Variants in ZFHX4 observed in about 807,000 individuals in gnomAD.
The protein encoded by ZFHX4 is zinc finger homeobox protein 4.
ZFHX4 carries 56 observed loss-of-function variants against 267.6 expected under a neutral mutation model. That is an observed-to-expected ratio of 0.21 (90% CI 0.17 to 0.26). The LOEUF (loss-of-function observed/expected upper bound fraction) is 0.26, where lower values mean the gene tolerates loss of function less well. Among genes scored for constraint, ZFHX4 ranks in the 10% least tolerant of loss-of-function variants. ZFHX4 has a pLI of 1.00. For missense variants in ZFHX4, 4,332 were observed against 4,420.0 expected (o/e 0.98, Z 0.56); for synonymous variants, 1,778 against 1,665.6 (o/e 1.07, Z -1.64).
intron 3 of ZFHX4, among the ~76,000 whole-genome samples, chr8:76,732,904 C>A (rs1809059569): frequency 6.6e-6 from 1 of 151,990 alleles, no homozygotes; most frequent in Admixed American, 6.6e-5. Flanking sequence ...CTGAGTGGAC[C>A]CTGGCATGCA....
chr8:76,817,577 G>T lies in ZFHX4; in HGVS notation c.3326-15761G>T, dbSNP rs1337543680. Among the ~76,000 whole-genome samples the T allele has an allele frequency of 4.6e-5, 7 of 152,158 alleles. No individual in the cohort carries two copies. In the East Asian group the frequency reaches 7.7e-4, roughly 17 times the overall value. ...AGCAAGAATGTGTTTGGACTTCAAA[G>T]AATTAAATGCATACAACTTGCACAT... On this transcript the variant is annotated intron_variant, in intron 4 of 10. Coordinates refer to ENST00000651372, the MANE Select transcript of ZFHX4 (RefSeq NM_024721.5).
chr8:76,835,685 AC>A (rs1204211051), intron 5 of ZFHX4, among the ~76,000 whole-genome samples: 1 of 151,688 alleles, frequency 6.6e-6, no homozygotes, highest in Non-Finnish European at 1.5e-5. Context: ...GAATAAACCT[AC>A]TCTCCCTCCC....
chr8:76,771,824 G>A (rs1292007454), intron 3 of ZFHX4, among the ~76,000 whole-genome samples: 1 of 152,118 alleles, frequency 6.6e-6, no homozygotes, highest in Non-Finnish European at 1.5e-5. Flanking sequence ...GATAGATTGG[G>A]AAATAATCAG....
At chr8:76,747,957 CAA>C (rs1809506994) in intron 3 of ZFHX4, among the ~76,000 whole-genome samples, 1 of 151,948 alleles carries the variant, frequency 6.6e-6, no homozygotes, top group African/African-American at 2.4e-5. Context: ...AACAAACAAA[CAA>C]ACAAACAAAA....
At chr8:76,849,480 A>G (rs752106371) in intron 7 of ZFHX4, 32 bp from the exon 8 acceptor site, 1 of 1,563,758 alleles carries the variant, frequency 6.4e-7, no homozygotes, top group Non-Finnish European at 8.8e-7. Context: ...TGCATTAACT[A>G]ATAGTGGCCA....
chr8:76,769,966 A>G (rs1244904903), intron 3 of ZFHX4, among the ~76,000 whole-genome samples: 1 of 152,108 alleles, frequency 6.6e-6, no homozygotes, highest in Non-Finnish European at 1.5e-5. Flanking sequence ...GCCTCCTGCT[A>G]CTGTCTCCTG....
Position 76,854,527 on chromosome 8 carries a change from C to T in ZFHX4, c.7606C>T (p.Pro2536Ser). The change falls in exon 10 of 11, where the codon CCC (proline) becomes TCC (serine). Residue 2536 changes from proline to serine, a missense_variant. Physicochemically the swap from Pro to Ser is moderately conservative, Grantham distance 74. This residue lies in a region of ZFHX4 where 1,648 missense variants were observed against 1,625.0 expected (regional missense o/e 1.01). Coordinates refer to ENST00000651372, the MANE Select transcript of ZFHX4 (RefSeq NM_024721.5). The stretch of plus-strand genomic sequence containing the variant: ...GTTCTTGGAAAGGCCCATGGACATG[C>T]CCTACATGATATTTGACCCCAACAA... The part of the protein sequence containing the change: ...SPFLERPMDM[P>S]YMIFDPNNPL... 6.2e-7 allele frequency: 1 copy of T among 1,613,838 alleles called. No individual in the cohort carries two copies. The highest frequency in any genetic ancestry group is 8.5e-7 in the Non-Finnish European group (1 of 1,179,878).
At chr8:76,862,399 G>A (rs1480564197) in intron 10 of ZFHX4, among the ~76,000 whole-genome samples, 4 of 152,124 alleles carry the variant, frequency 2.6e-5, no homozygotes, top group African/African-American at 7.2e-5. Context: ...ACCCTGTTAG[G>A]CAAGTTGTCA....
Position 76,851,205 on chromosome 8 carries a change from C to T in ZFHX4, c.4284C>T (p.Asn1428=), listed in dbSNP as rs762959024. Residue 1428 remains asparagine (N), a synonymous_variant, in exon 10 of 11, where the codon AAC becomes AAT. Transcript: ENST00000651372. Reference sequence around the variant, plus strand: ...CAATTCGGGCTGCGACAATGTGTAACCTCTGCCAGCGCAGTTTCCGTACAT... The same window carrying T: ...CAATTCGGGCTGCGACAATGTGTAATCTCTGCCAGCGCAGTTTCCGTACAT... ...YHAIRAATMC[N]LCQRSFRTFQ... is the part of the protein sequence containing the mutation. 5.6e-6 allele frequency: 9 copies of T among 1,613,860 alleles called. No homozygotes were observed. Among genetic ancestry groups the T allele is most frequent in the Non-Finnish European group, 7.6e-6 (9 of 1,179,840 alleles).
In ZFHX4 at chr8:76,853,513, C is replaced by A. The variant is rs1812607251; in HGVS notation, c.6592C>A (p.Pro2198Thr). 1 of 1,613,872 alleles carries A rather than the reference C, an allele frequency of 6.2e-7. No individual in the cohort carries two copies. The highest frequency in any genetic ancestry group is 8.5e-7 in the Non-Finnish European group (1 of 1,179,858). Residue 2198 changes from proline to threonine, a missense_variant, in exon 10 of 11, where the codon CCT becomes ACT. Coordinates refer to ENST00000651372, the MANE Select transcript of ZFHX4 (RefSeq NM_024721.5). The part of the protein sequence containing the change: ...NKDSPYNFSN[P>T]PITVLEDIRI... ...AGATTCACCATACAACTTCAGTAACCCTCCTATAACGGTTTTAGAAGATAT... is the reference window on the plus strand; with the variant it reads ...AGATTCACCATACAACTTCAGTAACACTCCTATAACGGTTTTAGAAGATAT...
At position 76,863,361 on chromosome 8, in the gene ZFHX4, C is replaced by A. The variant is rs752502791; in HGVS notation, c.9647C>A (p.Pro3216His). 16 of 1,613,756 alleles carry A rather than the reference C, an allele frequency of 9.9e-6. No homozygotes were observed. Among genetic ancestry groups the A allele is most frequent in the East Asian group, 4.5e-5 (2 of 44,846 alleles). ...ELEATKPEKH[P>H]KKEEKISSAL... ...GAGGCCACCAAACCCGAAAAACACC[C>A]CAAAAAAGAGGAAAAAATCTCATCT... is the stretch of plus-strand genomic sequence containing the variant. The change falls in exon 11 of 11, where the codon CCC becomes CAC. Residue 3216 changes from proline (P) to histidine (H), a missense_variant. By Grantham distance (77) the Pro-to-His change is moderately conservative. Around this residue, in one of 7 missense-constraint regions of ZFHX4, gnomAD observed 1,648 missense variants for 1,625.0 expected, o/e 1.01. Transcript: ENST00000651372.
chr8:76,793,659 T>C (rs1442004493), intron 4 of ZFHX4, among the ~76,000 whole-genome samples: 2 of 152,218 alleles, frequency 1.3e-5, no homozygotes, highest in Non-Finnish European at 2.9e-5. Context: ...GTTAGTATAA[T>C]TGCCATCATT....
At position 76,854,280 on chromosome 8, in the gene ZFHX4, A is replaced by G. The variant is rs748294804; in HGVS notation, c.7359A>G (p.Pro2453=). 15 of 1,595,500 alleles carry G rather than the reference A, an allele frequency of 9.4e-6. No homozygotes were observed. Among genetic ancestry groups the G allele is most frequent in the East Asian group, 2.3e-5 (1 of 43,848 alleles). Residue 2453 remains proline (P), a synonymous_variant, in exon 10 of 11, where the codon CCA becomes CCG. Transcript: ENST00000651372. ...AGCCACAGCCACAGCCACAGCCACCAAAACAACCCCAACTTATCGGAAGAC... is the reference window on the plus strand; with the variant it reads ...AGCCACAGCCACAGCCACAGCCACCGAAACAACCCCAACTTATCGGAAGAC... ...TAQPQPQPQP[P]KQPQLIGRPP... is the part of the protein sequence containing the mutation.
chr8:76,766,034 A>G (rs1170744908), intron 3 of ZFHX4, among the ~76,000 whole-genome samples: 2 of 152,134 alleles, frequency 1.3e-5, no homozygotes, highest in African/African-American at 2.4e-5. Context: ...TGTATCTAAT[A>G]TCCTTCGGTG....
chr8:76,822,966 C>T (rs1433247116), intron 4 of ZFHX4, among the ~76,000 whole-genome samples: 3 of 152,126 alleles, frequency 2.0e-5, no homozygotes, highest in Admixed American at 2.0e-4. Flanking sequence ...CTAAACCTCT[C>T]TACTCAAATT....
intron 1 of ZFHX4, among the ~76,000 whole-genome samples, chr8:76,697,774 T>C (rs1807997145): frequency 6.6e-6 from 1 of 152,064 alleles, no homozygotes; most frequent in Non-Finnish European, 1.5e-5. Context: ...TTTATCATAG[T>C]ACCTGATTGA....
chr8:76,754,859 T>C (rs1185314590), intron 3 of ZFHX4, among the ~76,000 whole-genome samples: 2 of 152,202 alleles, frequency 1.3e-5, no homozygotes, highest in Admixed American at 1.3e-4. Context: ...CCCTTCCCAG[T>C]GTTTAATAAC....
intron 1 of ZFHX4, among the ~76,000 whole-genome samples, chr8:76,683,623 G>A (rs1202135360): frequency 6.7e-6 from 1 of 148,556 alleles, no homozygotes; most frequent in African/African-American, 2.6e-5. Context: ...GAGACAGAGA[G>A]GAGAGAGGAA....
At chr8:76,768,785 A>T (rs181230757) in intron 3 of ZFHX4, among the ~76,000 whole-genome samples, 8 of 152,304 alleles carry the variant, frequency 5.3e-5, no homozygotes, top group African/African-American at 1.9e-4. Context: ...TTTATGAGTG[A>T]TCTGCATCCA....
Sources: gnomAD v4.1 joint callset for allele counts (sites outside exome capture counted in the v4.1 genomes callset) on GRCh38, gnomAD v4.1.1 for gene constraint, gnomAD v4.1.1 regional missense constraint, MANE v1.5 for transcripts, NCBI Gene and HGNC (gene_info 2026-07-23, HGNC 2026-07-21) for gene names.